The following CWC27 variants were observed in gnomAD, a reference collection of about 807,000 sequenced individuals.
The protein encoded by CWC27 is CWC27 spliceosome associated cyclophilin.
Under a neutral mutation model 63.6 loss-of-function variants are expected in CWC27, and 47 were observed. The ratio of observed to expected loss-of-function variants is 0.74; its 90% CI spans 0.58 to 0.94. The LOEUF is 0.94. Among genes scored for constraint, CWC27 ranks in the 40% least tolerant of loss-of-function variants. The pLI is 0.00. For synonymous variants in CWC27, 175 were observed against 179.8 expected (o/e 0.97, Z 0.22); for missense variants, 495 against 554.3 (o/e 0.89, Z 1.07).
chr5:65,006,905 G>A (rs1420468281), intron 13 of CWC27, among the ~76,000 whole-genome samples: 1 of 149,796 alleles, frequency 6.7e-6, no homozygotes, highest in Non-Finnish European at 1.5e-5. Flanking sequence ...CGTTACCTAT[G>A]TTACAAACCT....
At chr5:64,797,332 C>T (rs777761091) in intron 7 of CWC27, among the ~76,000 whole-genome samples, 3 of 152,088 alleles carry the variant, frequency 2.0e-5, no homozygotes, top group Non-Finnish European at 2.9e-5. Flanking sequence ...GGAAAAATGT[C>T]TGAATTCATT....
chr5:64,957,750 TG>T (rs1748830389), intron 11 of CWC27, among the ~76,000 whole-genome samples: 1 of 152,178 alleles, frequency 6.6e-6, no homozygotes, highest in Non-Finnish European at 1.5e-5. Flanking sequence ...AGGGAGACTC[TG>T]GGCACACTGC....
intron 12 of CWC27, among the ~76,000 whole-genome samples, chr5:64,975,227 T>C (rs1749206261): frequency 6.6e-6 from 1 of 152,236 alleles, no homozygotes; most frequent in Non-Finnish European, 1.5e-5. Context: ...ACACCATTTG[T>C]CTTTATTAAG....
At chr5:64,838,671 G>T (rs1171432539) in intron 10 of CWC27, among the ~76,000 whole-genome samples, 1 of 152,166 alleles carries the variant, frequency 6.6e-6, no homozygotes, top group Admixed American at 6.6e-5. Flanking sequence ...GGTGTTCTCT[G>T]CCACAAACTT....
At chr5:64,939,433 A>T (rs1421003108) in intron 11 of CWC27, among the ~76,000 whole-genome samples, 5 of 152,152 alleles carry the variant, frequency 3.3e-5, no homozygotes, top group African/African-American at 1.2e-4. Flanking sequence ...TTGCCTAGTT[A>T]TTACCAGTGG....
At chr5:64,885,735 G>GTGTGTGTT (rs1485677758) in intron 11 of CWC27, among the ~76,000 whole-genome samples, 189 bp downstream of exon 11, 3 of 142,666 alleles carry the variant, frequency 2.1e-5, no homozygotes, top group African/African-American at 9.0e-5. Flanking sequence ...GTGTGTGTGT[G>GTGTGTGTT]TGTTTTTAAT....
intron 10 of CWC27, among the ~76,000 whole-genome samples, chr5:64,881,784 T>C (rs900128538): frequency 2.0e-5 from 3 of 152,192 alleles, no homozygotes. Flanking sequence ...TGCCTCATTC[T>C]TTGTGTACTT....
intron 11 of CWC27, among the ~76,000 whole-genome samples, chr5:64,937,409 G>C (rs1393909469): frequency 2.0e-5 from 3 of 152,176 alleles, no homozygotes; most frequent in African/African-American, 7.2e-5. Flanking sequence ...GTGTGGTTTT[G>C]AGTGACTTTC....
intron 11 of CWC27, among the ~76,000 whole-genome samples, chr5:64,931,360 GAT>G (rs1748233781): frequency 6.6e-6 from 1 of 151,792 alleles, no homozygotes; most frequent in Non-Finnish European, 1.5e-5. Flanking sequence ...TAGGTAGAAA[GAT>G]ATGAGTTTTT....
At chr5:64,933,897 A>G (rs1298300629) in intron 11 of CWC27, among the ~76,000 whole-genome samples, 1 of 152,240 alleles carries the variant, frequency 6.6e-6, no homozygotes, top group Non-Finnish European at 1.5e-5. Context: ...TTTCTCTTAT[A>G]TAAACATTGA....
At chr5:65,000,900 G>C (rs1388587868) in intron 13 of CWC27, among the ~76,000 whole-genome samples, 2 of 152,020 alleles carry the variant, frequency 1.3e-5, no homozygotes, top group East Asian at 1.9e-4. Context: ...CATTGACTCT[G>C]TAGATTGTTT....
intron 10 of CWC27, among the ~76,000 whole-genome samples, chr5:64,855,693 T>C (rs1450292213): frequency 2.0e-5 from 3 of 152,120 alleles, no homozygotes; most frequent in Admixed American, 2.0e-4. Context: ...TCATGACCAT[T>C]TCACAATAAC....
intron 10 of CWC27, among the ~76,000 whole-genome samples, chr5:64,872,783 T>C (rs541540907): frequency 1.1e-4 from 16 of 152,334 alleles, no homozygotes; most frequent in African/African-American, 3.6e-4. Flanking sequence ...CATCATTCTA[T>C]CTGATGCTCT....
chr5:64,960,818 G>T (rs1326519162), intron 11 of CWC27, among the ~76,000 whole-genome samples: 2 of 151,244 alleles, frequency 1.3e-5, no homozygotes, highest in African/African-American at 4.9e-5. Flanking sequence ...TCGCTATGTT[G>T]TTCAGGCTGG....
At chr5:64,803,554 G>A (rs1459040950) in intron 9 of CWC27, among the ~76,000 whole-genome samples, 1 of 152,178 alleles carries the variant, frequency 6.6e-6, no homozygotes, top group Non-Finnish European at 1.5e-5. Context: ...CATTTTAATA[G>A]GTTAATCTCA....
At chr5:64,840,362 TAAAAAAAAAAAAAAAAA>T (rs10534375) in intron 10 of CWC27, among the ~76,000 whole-genome samples, 25 of 22,242 alleles carry the variant, frequency 1.1e-3, no homozygotes, top group East Asian at 6.8e-3. Flanking sequence ...CCTTTTTCAT[TAAAAAAAAAAAAAAAAA>T]AAAAAAAAAA....
chr5:65,011,158 G>A (rs1022997293), intron 13 of CWC27, among the ~76,000 whole-genome samples: 1 of 152,086 alleles, frequency 6.6e-6, no homozygotes, highest in South Asian at 2.1e-4. Flanking sequence ...CAGCAGTTCA[G>A]GGCTATAGTG....
intron 1 of CWC27, among the ~76,000 whole-genome samples, chr5:64,770,949 T>C (rs1014247830): frequency 1.3e-5 from 2 of 152,190 alleles, no homozygotes; most frequent in African/African-American, 4.8e-5. Flanking sequence ...ATTGCCAGGC[T>C]CTATGCTAGG....
intron 13 of CWC27, among the ~76,000 whole-genome samples, chr5:64,986,417 T>C (rs763758946): frequency 2.6e-5 from 4 of 152,228 alleles, no homozygotes; most frequent in Non-Finnish European, 5.9e-5. Context: ...TTTTTATACA[T>C]TGTTGAATTT....
Sources: allele counts gnomAD v4.1 joint callset (sites outside exome capture counted in the v4.1 genomes callset), GRCh38; gene constraint gnomAD v4.1.1; transcripts MANE v1.5; gene names NCBI Gene and HGNC (gene_info 2026-07-23, HGNC 2026-07-21).